MTRF1: variants seen among roughly 807,000 people sequenced by gnomAD.
The protein encoded by MTRF1 is peptide chain release factor 1, mitochondrial.
A neutral mutation model predicts 62.9 loss-of-function variants in MTRF1; 51 were observed. The observed-to-expected ratio is 0.81, with a 90% confidence interval of 0.65 to 1.02. The LOEUF (loss-of-function observed/expected upper bound fraction) is 1.02, where lower values mean the gene tolerates loss of function less well. Ranked by LOEUF, MTRF1 falls within the 50% of genes least tolerant of loss-of-function variation. The pLI, the probability that MTRF1 is intolerant of heterozygous loss-of-function variation, is 0.00. For synonymous variants in MTRF1, 158 were observed against 181.9 expected (o/e 0.87, Z 1.06); for missense variants, 446 against 530.0 (o/e 0.84, Z 1.56).
At chr13:41,232,793 G>A (rs1308698914) in intron 7 of MTRF1, among the ~76,000 whole-genome samples, 8 of 152,298 alleles carry the variant, frequency 5.3e-5, no homozygotes, top group Middle Eastern at 3.4e-3. Context: ...GGAGCAGCTG[G>A]TCCACACTGA....
chr13:41,272,793 C>A, the MTRF1 span, among the ~76,000 whole-genome samples: 15 of 152,134 alleles, frequency 9.9e-5, no homozygotes, highest in South Asian at 1.0e-3. Context: ...CTTCCATCGT[C>A]ATGGAAGCAG....
At chr13:41,269,264 A>C in the MTRF1 span, among the ~76,000 whole-genome samples, 1 of 120,384 alleles carries the variant, frequency 8.3e-6, no homozygotes, top group African/African-American at 3.3e-5. Context: ...CAATGGCTTG[A>C]TCTCGGCTCA....
chr13:41,244,834 T>G (rs1322184712), intron 5 of MTRF1, among the ~76,000 whole-genome samples: 1 of 152,164 alleles, frequency 6.6e-6, no homozygotes, highest in Non-Finnish European at 1.5e-5. Flanking sequence ...TGCAACCTCA[T>G]GAGACACCCT....
the MTRF1 span, among the ~76,000 whole-genome samples, chr13:41,287,288 C>A: frequency 1.6e-3 from 251 of 152,242 alleles, no homozygotes; most frequent in African/African-American, 5.9e-3. Context: ...AGAGCAGGCA[C>A]CTCACATGGC....
intron 2 of MTRF1, among the ~76,000 whole-genome samples, chr13:41,259,088 G>A (rs2040083709): frequency 6.6e-6 from 1 of 152,140 alleles, no homozygotes; most frequent in South Asian, 2.1e-4. Context: ...ACATTCATAG[G>A]ATGGCAATAA....
At chr13:41,220,125 C>T (rs113340250) in intron 9 of MTRF1, among the ~76,000 whole-genome samples, 10,735 of 150,708 alleles carry the variant, frequency 0.071, 419 homozygotes, top group African/African-American at 0.087. Context: ...GCCAGGAGTT[C>T]GAGACTAGCC....
chr13:41,282,002 G>A, the MTRF1 span, among the ~76,000 whole-genome samples: 2 of 152,102 alleles, frequency 1.3e-5, no homozygotes, highest in Non-Finnish European at 2.9e-5. Flanking sequence ...GCCAGGCGTG[G>A]TGGCGGGCAC....
intron 7 of MTRF1, among the ~76,000 whole-genome samples, chr13:41,232,588 CA>C (rs1330503403): frequency 1.3e-5 from 2 of 152,188 alleles, no homozygotes; most frequent in African/African-American, 4.8e-5. Flanking sequence ...TTCAGATCTA[CA>C]AAGCCTTGAA....
chr13:41,265,136 G>C (rs1168276023), upstream of MTRF1, among the ~76,000 whole-genome samples: 1 of 152,050 alleles, frequency 6.6e-6, no homozygotes, highest in Non-Finnish European at 1.5e-5. Flanking sequence ...TAAAAAATTA[G>C]TCTTAGTCGG....
At chr13:41,267,156 C>CT (rs1004086083), upstream of MTRF1, among the ~76,000 whole-genome samples, 14 of 150,726 alleles carry the variant, frequency 9.3e-5, no homozygotes, top group South Asian at 4.2e-4. Context: ...TCCTTTTCTT[C>CT]TTTTTTTTTC....
intron 7 of MTRF1, among the ~76,000 whole-genome samples, chr13:41,230,543 C>T (rs932706423): frequency 2.0e-5 from 3 of 148,466 alleles, no homozygotes; most frequent in African/African-American, 5.0e-5. Flanking sequence ...GGATTACAGG[C>T]GTGAGCCACT....
Position 41,252,713 on chromosome 13 carries a change from A to G in MTRF1, c.629T>C (p.Met210Thr). The part of the protein sequence containing the change: ...CQQFTREIFD[M>T]YQNYSCYKHW... ...TTTATAGCACGAATAATTCTGGTAC[A>G]TGTCAAATATTTCTCGGGTAAATTG... Residue 210 changes from methionine to threonine, a missense_variant, in exon 5 of 10, where the codon ATG becomes ACG. Transcript: ENST00000379480. The G allele has an allele frequency of 6.2e-7, 1 of 1,613,740 alleles. No individual in the cohort carries two copies. Among genetic ancestry groups the G allele is most frequent in the Non-Finnish European group, 8.5e-7 (1 of 1,179,824 alleles).
At chr13:41,258,849 T>A (rs1476098686) in intron 2 of MTRF1, among the ~76,000 whole-genome samples, 1 of 152,100 alleles carries the variant, frequency 6.6e-6, no homozygotes, top group Non-Finnish European at 1.5e-5. Context: ...AACCACAGAA[T>A]GGGAAATTTT....
At chr13:41,234,063 C>T in intron 6 of MTRF1, 56 bp from the exon 7 acceptor site, 5 of 1,314,416 alleles carry the variant, frequency 3.8e-6, no homozygotes, top group Non-Finnish European at 4.4e-6. Context: ...AATATAAAAT[C>T]GATTCCAAGA....
At chr13:41,245,107 T>C (rs1351372968) in intron 5 of MTRF1, among the ~76,000 whole-genome samples, 1 of 152,230 alleles carries the variant, frequency 6.6e-6, no homozygotes, top group Admixed American at 6.5e-5. Flanking sequence ...TCTTAAGGCA[T>C]TAAATGTTCT....
upstream of MTRF1, among the ~76,000 whole-genome samples, chr13:41,264,920 A>G (rs2040791922): frequency 6.6e-6 from 1 of 152,232 alleles, no homozygotes; most frequent in Non-Finnish European, 1.5e-5. Context: ...TGTGCTATTC[A>G]CTATTCTAGT....
the MTRF1 span, among the ~76,000 whole-genome samples, chr13:41,276,254 C>G: frequency 6.6e-6 from 1 of 152,004 alleles, no homozygotes. Context: ...TCACTGCAAC[C>G]TCCATCTCTT....
chr13:41,239,231 G>A (rs1168833078), intron 6 of MTRF1, among the ~76,000 whole-genome samples: 1 of 152,006 alleles, frequency 6.6e-6, no homozygotes, highest in Non-Finnish European at 1.5e-5. Flanking sequence ...GCGAGACCTT[G>A]CCTCCAAAAG....
At chr13:41,278,750 C>A in the MTRF1 span, among the ~76,000 whole-genome samples, 1 of 152,192 alleles carries the variant, frequency 6.6e-6, no homozygotes, top group Admixed American at 6.5e-5. Flanking sequence ...AATAAGCCAT[C>A]TTTACCAACA....
Sources: allele counts gnomAD v4.1 joint callset (sites outside exome capture counted in the v4.1 genomes callset), GRCh38; gene constraint gnomAD v4.1.1; transcripts MANE v1.5; gene names NCBI Gene and HGNC (gene_info 2026-07-23, HGNC 2026-07-21).